Variants in DCAF8L2 observed in about 807,000 individuals in gnomAD.
DCAF8L2 encodes DDB1- and CUL4-associated factor 8-like protein 2.
For synonymous variants in DCAF8L2, 200 were observed against 190.9 expected (o/e 1.05, Z -0.39); for missense variants, 430 against 490.7 (o/e 0.88, Z 1.17).
chrX:27,506,145 A>C, the DCAF8L2 span, among the ~76,000 whole-genome samples: 1 of 112,263 alleles, frequency 8.9e-6, no homozygotes, highest in African/African-American at 3.2e-5. Flanking sequence ...CAATGAGAAA[A>C]AAATATTTAT....
chrX:27,724,141 G>C (rs981664260), intron 4 of DCAF8L2, among the ~76,000 whole-genome samples: 2 of 110,557 alleles, frequency 1.8e-5, no homozygotes, highest in Non-Finnish European at 3.8e-5. Context: ...TTCCAAACAT[G>C]CATCTTGTAT....
At chrX:27,673,427 G>A (rs1444979714) in intron 2 of DCAF8L2, among the ~76,000 whole-genome samples, 2 of 102,238 alleles carry the variant, frequency 2.0e-5, no homozygotes, top group Non-Finnish European at 3.9e-5. Flanking sequence ...AGAATCGTTT[G>A]AACCCGGGAG....
At chrX:27,509,137 A>T in the DCAF8L2 span, among the ~76,000 whole-genome samples, 2 of 111,610 alleles carry the variant, frequency 1.8e-5, no homozygotes. Flanking sequence ...ACATTCTGTC[A>T]CTAGTAACAG....
At position 27,718,502 on chromosome X, in the gene DCAF8L2, C is replaced by T. The variant is rs1281295445; in HGVS notation, c.-59+2331C>T. Among the ~76,000 whole-genome samples the T allele has an allele frequency of 2.4e-4, 27 of 111,717 alleles. No homozygotes were observed. The Admixed American group carries it at 2.5e-3, about 10-fold the overall frequency. On this transcript the variant is annotated intron_variant, in intron 4 of 4. Coordinates refer to ENST00000451261, the MANE Select transcript of DCAF8L2 (RefSeq NM_001353450.2). ...GACTTGGCCACAGGCTGCCCAGTTA[C>T]TTGGTCAAACATTATTCTGAGTGTG...
chrX:27,736,807 A>T (rs1318846190), intron 4 of DCAF8L2, among the ~76,000 whole-genome samples: 1 of 110,217 alleles, frequency 9.1e-6, no homozygotes, highest in South Asian at 3.7e-4. Context: ...GTGGCTCTGC[A>T]GGGTCAAAAT....
intron 3 of DCAF8L2, among the ~76,000 whole-genome samples, chrX:27,694,204 C>G (rs895272158): frequency 9.1e-6 from 1 of 110,448 alleles, no homozygotes; most frequent in Non-Finnish European, 1.9e-5. Flanking sequence ...CACTGGAGAC[C>G]ACTAGATGGG....
At chrX:27,470,134 A>T in the DCAF8L2 span, among the ~76,000 whole-genome samples, 10 of 73,081 alleles carry the variant, frequency 1.4e-4, no homozygotes, top group African/African-American at 4.8e-4. Context: ...TGAATTACAC[A>T]TTAAAATCAT....
chrX:27,717,244 T>C (rs953866337), intron 4 of DCAF8L2, among the ~76,000 whole-genome samples: 2 of 112,404 alleles, frequency 1.8e-5, no homozygotes, highest in Non-Finnish European at 3.8e-5. Flanking sequence ...TTTGGGTATA[T>C]ACCCAGTAAT....
the DCAF8L2 span, among the ~76,000 whole-genome samples, chrX:27,531,176 C>T: frequency 1.8e-5 from 2 of 111,839 alleles, no homozygotes; most frequent in Non-Finnish European, 3.8e-5. Flanking sequence ...GTTTAATTGG[C>T]TCGCAGTTCC....
chrX:27,623,129 A>G (rs938878825), intron 1 of DCAF8L2, among the ~76,000 whole-genome samples: 16 of 111,685 alleles, frequency 1.4e-4, no homozygotes, highest in African/African-American at 4.9e-4. Flanking sequence ...CTTTTTGATC[A>G]TAATACAGTC....
the DCAF8L2 span, among the ~76,000 whole-genome samples, chrX:27,562,015 T>C: frequency 8.9e-6 from 1 of 112,040 alleles, no homozygotes; most frequent in African/African-American, 3.2e-5. Flanking sequence ...GACCATTTTA[T>C]ATTTCCACAA....
chrX:27,699,898 G>A (rs1413382385), intron 3 of DCAF8L2, among the ~76,000 whole-genome samples: 1 of 110,749 alleles, frequency 9.0e-6, no homozygotes, highest in African/African-American at 3.3e-5. Flanking sequence ...AGCTGGGCAT[G>A]GTGGTGTGCA....
At chrX:27,497,549 C>CTTCT in the DCAF8L2 span, among the ~76,000 whole-genome samples, 146 of 64,413 alleles carry the variant, frequency 2.3e-3, 1 homozygote, top group African/African-American at 7.4e-3. Context: ...TCCTTCCTTC[C>CTTCT]TTCTTTCTTT....
the DCAF8L2 span, among the ~76,000 whole-genome samples, chrX:27,474,078 T>A: frequency 1.8e-5 from 2 of 110,757 alleles, no homozygotes; most frequent in African/African-American, 6.6e-5. Context: ...GTCCCTCGGG[T>A]ATTCTCAGTT....
intron 2 of DCAF8L2, among the ~76,000 whole-genome samples, chrX:27,654,104 A>G (rs141121931): frequency 9.0e-6 from 1 of 111,275 alleles, no homozygotes; most frequent in East Asian, 2.9e-4. Flanking sequence ...GGGTTTGGGC[A>G]TTGAATTGCT....
intron 4 of DCAF8L2, among the ~76,000 whole-genome samples, chrX:27,723,482 TTC>T (rs1384620902): frequency 9.0e-6 from 1 of 111,403 alleles, no homozygotes; most frequent in African/African-American, 3.2e-5. Context: ...TAGAAAATGA[TTC>T]TGAGTTTTTT....
the DCAF8L2 span, among the ~76,000 whole-genome samples, chrX:27,565,406 C>T: frequency 9.0e-6 from 1 of 111,348 alleles, no homozygotes; most frequent in African/African-American, 3.3e-5. Flanking sequence ...AGATAAATTC[C>T]ATGTGGTCAT....
intron 2 of DCAF8L2, among the ~76,000 whole-genome samples, chrX:27,650,186 T>C (rs1045017279): frequency 6.3e-5 from 7 of 111,663 alleles, no homozygotes; most frequent in African/African-American, 2.3e-4. Flanking sequence ...AACGCTGTTT[T>C]GATTACTGTT....
chrX:27,725,549 GTCTT>G (rs965788779), intron 4 of DCAF8L2, among the ~76,000 whole-genome samples: 1 of 109,750 alleles, frequency 9.1e-6, no homozygotes, highest in African/African-American at 3.3e-5. Context: ...TATATTTTAA[GTCTT>G]TATTTTCAGA....
Sources: gnomAD v4.1 joint callset for allele counts (sites outside exome capture counted in the v4.1 genomes callset) on GRCh38, gnomAD v4.1.1 for gene constraint, MANE v1.5 for transcripts, NCBI Gene and HGNC (gene_info 2026-07-23, HGNC 2026-07-21) for gene names.